IRF8: variants seen among roughly 807,000 people sequenced by gnomAD.
IRF8 encodes the protein interferon regulatory factor 8.
In IRF8, 14 loss-of-function variants were observed where a neutral mutation model predicts 48.7. That is an observed-to-expected ratio of 0.29 (90% confidence interval 0.19 to 0.45). The LOEUF (loss-of-function observed/expected upper bound fraction) is 0.45. Ranked by LOEUF, IRF8 falls within the 20% of genes least tolerant of loss-of-function variation. The pLI, the probability that IRF8 is intolerant of heterozygous loss-of-function variation, is 1.00. For missense variants in IRF8, 493 were observed against 580.7 expected, an observed-to-expected ratio of 0.85 and a Z score of 1.55; for synonymous variants, 278 against 227.3, an observed-to-expected ratio of 1.22 and a Z score of -2.01.
At chr16:85,918,989 G>C (rs1177279975) in intron 7 of IRF8, among the ~76,000 whole-genome samples, 186 bp downstream of exon 7, 1 of 152,174 alleles carries the variant, frequency 6.6e-6, no homozygotes, top group Non-Finnish European at 1.5e-5. Flanking sequence ...GCGATCCTGG[G>C]GTGCTTCTCT....
intron 5 of IRF8, among the ~76,000 whole-genome samples, chr16:85,913,619 G>A (rs535478941): frequency 6.6e-6 from 1 of 152,354 alleles, no homozygotes; most frequent in African/African-American, 2.4e-5. Context: ...AGGTCGGCCA[G>A]TCTGTTACGA....
At chr16:85,920,492 C>G (rs909740768) in intron 8 of IRF8, among the ~76,000 whole-genome samples, 1 of 152,166 alleles carries the variant, frequency 6.6e-6, no homozygotes, top group Non-Finnish European at 1.5e-5. Context: ...CCCAGCTTGG[C>G]CTCCCAAAGT....
chr16:85,914,204 C>A, intron 5 of IRF8: 1 of 515,634 alleles, frequency 1.9e-6, no homozygotes, highest in Non-Finnish European at 3.5e-6. Context: ...AAATGTGGCC[C>A]CACAGTGTCA....
chr16:85,906,329 G>A (rs1328911533), intron 2 of IRF8, among the ~76,000 whole-genome samples: 2 of 152,244 alleles, frequency 1.3e-5, no homozygotes, highest in East Asian at 3.8e-4. Context: ...CATAGTGACT[G>A]TTGCTGGCGG....
At chr16:85,908,900 G>T in intron 2 of IRF8, 90 bp from the exon 3 acceptor site, 1 of 1,102,708 alleles carries the variant, frequency 9.1e-7, no homozygotes, top group Non-Finnish European at 1.4e-6. Flanking sequence ...TTCATGGGAA[G>T]GGAAGGATGT....
At chr16:85,910,054 C>G (rs1266139816) in intron 3 of IRF8, among the ~76,000 whole-genome samples, 1 of 152,208 alleles carries the variant, frequency 6.6e-6, no homozygotes, top group East Asian at 1.9e-4. Context: ...GAAGTTTGCA[C>G]TCTTCCCGCT....
At chr16:85,914,722 C>T (rs1436565418) in intron 6 of IRF8, among the ~76,000 whole-genome samples, 1 of 151,512 alleles carries the variant, frequency 6.6e-6, no homozygotes, top group Non-Finnish European at 1.5e-5. Context: ...AAGTCTAGGC[C>T]TGGTTCTGAG....
intron 1 of IRF8, among the ~76,000 whole-genome samples, chr16:85,899,993 T>A (rs1401523212): frequency 6.6e-6 from 1 of 152,216 alleles, no homozygotes; most frequent in East Asian, 1.9e-4. Flanking sequence ...TTTCTTTTTT[T>A]AAACCAAAGG....
intron 6 of IRF8, among the ~76,000 whole-genome samples, chr16:85,915,938 A>G (rs971924859): frequency 1.3e-5 from 2 of 150,666 alleles, no homozygotes; most frequent in Admixed American, 6.6e-5. Context: ...CCCCACCTCT[A>G]TGTAAATCCA....
intron 8 of IRF8, 148 bp downstream of exon 8, chr16:85,920,372 G>A (rs890587429): frequency 4.9e-5 from 31 of 634,872 alleles, no homozygotes; most frequent in South Asian, 2.4e-4. Context: ...TCAGCCTCCC[G>A]AGTTGCTGGG....
At chr16:85,902,776 G>GGTCTGCTGGT in intron 1 of IRF8, 1 of 354,188 alleles carries the variant, frequency 2.8e-6, no homozygotes, top group East Asian at 8.0e-5. Context: ...GGCCTGCAGG[G>GGTCTGCTGGT]GGCTGCTGGT....
chr16:85,899,829 A>G (rs1455151534), intron 1 of IRF8, among the ~76,000 whole-genome samples: 1 of 152,172 alleles, frequency 6.6e-6, no homozygotes, highest in Non-Finnish European at 1.5e-5. Flanking sequence ...TTATTGAAAG[A>G]ACATTGTTTG....
intron 5 of IRF8, chr16:85,914,201 G>A: frequency 2.0e-6 from 1 of 509,896 alleles, no homozygotes; most frequent in Non-Finnish European, 3.6e-6. Flanking sequence ...AGGAAATGTG[G>A]CCCCACAGTG....
intron 5 of IRF8, 52 bp downstream of exon 5, chr16:85,913,288 G>T: frequency 7.8e-7 from 1 of 1,289,678 alleles, no homozygotes; most frequent in South Asian, 1.2e-5. Flanking sequence ...AAGGGTTTAC[G>T]GCATTCCACC....
At chr16:85,900,469 A>C (rs963745163) in intron 1 of IRF8, among the ~76,000 whole-genome samples, 2 of 152,260 alleles carry the variant, frequency 1.3e-5, no homozygotes, top group Admixed American at 6.5e-5. Context: ...TCATAACTGT[A>C]GTAGAATCTC....
intron 3 of IRF8, 99 bp from the exon 4 acceptor site, chr16:85,911,471 G>C: frequency 9.6e-7 from 1 of 1,045,360 alleles, no homozygotes; most frequent in Non-Finnish European, 1.5e-6. Context: ...CTAACTTAAT[G>C]TTTCCTTAAA....
At chr16:85,912,535 C>T (rs189044607) in intron 4 of IRF8, among the ~76,000 whole-genome samples, 9 of 152,296 alleles carry the variant, frequency 5.9e-5, no homozygotes, top group Admixed American at 2.0e-4. Flanking sequence ...CTTTGGCAGC[C>T]GACTGAGTGA....
chr16:85,910,753 G>T (rs1028823849), intron 3 of IRF8, among the ~76,000 whole-genome samples: 3 of 152,152 alleles, frequency 2.0e-5, no homozygotes, highest in Admixed American at 6.5e-5. Flanking sequence ...CATGGTGGGC[G>T]CCCCACCTGC....
At chr16:85,899,615 T>A (rs1904761560) in intron 1 of IRF8, among the ~76,000 whole-genome samples, 2 of 152,070 alleles carry the variant, frequency 1.3e-5, no homozygotes, top group African/African-American at 4.8e-5. Context: ...AGGGTCAGAG[T>A]TGTGGAACTG....
Sources: allele counts gnomAD v4.1 joint callset (sites outside exome capture counted in the v4.1 genomes callset), GRCh38; gene constraint gnomAD v4.1.1; transcripts MANE v1.5; gene names NCBI Gene and HGNC (gene_info 2026-07-23, HGNC 2026-07-21).